Variants in ADAMTS19 observed in about 807,000 individuals in gnomAD.
The protein encoded by ADAMTS19 is ADAM metallopeptidase with thrombospondin type 1 motif 19.
ADAMTS19 carries 93 observed loss-of-function variants against 153.3 expected under a neutral mutation model. That is an observed-to-expected ratio of 0.61 (90% confidence interval 0.51 to 0.72). The LOEUF (loss-of-function observed/expected upper bound fraction) is 0.72. Among genes scored for constraint, ADAMTS19 ranks in the 30% least tolerant of loss-of-function variants. The probability of loss-of-function intolerance (pLI) is 0.00; values close to 1 mark genes in which losing one functional copy is unlikely to be tolerated. For missense variants in ADAMTS19, 1,482 were observed against 1,552.1 expected, an observed-to-expected ratio of 0.95 and a Z score of 0.76; for synonymous variants, 600 against 556.6, an observed-to-expected ratio of 1.08 and a Z score of -1.10.
chr5:129,496,885 A>G (rs768396406), intron 2 of ADAMTS19, among the ~76,000 whole-genome samples: 1 of 152,102 alleles, frequency 6.6e-6, no homozygotes, highest in Non-Finnish European at 1.5e-5. Flanking sequence ...AAAGTTAGTT[A>G]ATAGATTTAA....
rs775800553 is a variant in ADAMTS19 at position 129,617,587 on chromosome 5, TC to T, written c.1479-3029del. On this transcript the variant is annotated intron_variant, in intron 8 of 22. Coordinates refer to ENST00000274487, the MANE Select transcript of ADAMTS19 (RefSeq NM_133638.6). ...CCACAGATGGAAGAGTCAAGCACGT[TC>T]CACATGGCAAGTGTTTGTTAATTAA... is the stretch of plus-strand genomic sequence containing the variant. 9.2e-5 allele frequency among the ~76,000 whole-genome samples: 14 copies of T among 152,020 alleles called. 1 individual carries two copies. In the East Asian group the frequency reaches 1.7e-3, roughly 19 times the overall value.
At position 129,460,300 on chromosome 5, in the gene ADAMTS19, C is replaced by T. The variant is rs911482180; in HGVS notation, c.-92C>T. ...GGGCCTGGGCAAATTCGCCGCCCGG[C>T]CTCCTAGCGCTCCGGGGAGGCCGCT... is the stretch of plus-strand genomic sequence containing the variant. On this transcript the variant is annotated 5_prime_UTR_variant, in exon 1 of 23. Coordinates refer to ENST00000274487, the MANE Select transcript of ADAMTS19 (RefSeq NM_133638.6). 9.1e-6 allele frequency: 9 copies of T among 988,800 alleles called. No individual in the cohort carries two copies. The highest frequency in any genetic ancestry group is 2.1e-5 in the Admixed American group (1 of 46,910). The allele number at this position is 988,800 out of a possible 1,614,324, so 61.3% of individuals were successfully genotyped here. A position where few individuals can be genotyped will look rare whatever the true frequency, so the allele number is the denominator to read the frequency against.
At chr5:129,498,490 A>G (rs990229184) in intron 2 of ADAMTS19, among the ~76,000 whole-genome samples, 2 of 152,014 alleles carry the variant, frequency 1.3e-5, no homozygotes, top group Non-Finnish European at 2.9e-5. Context: ...TATATTACTT[A>G]TTCTTTATTT....
intron 19 of ADAMTS19, among the ~76,000 whole-genome samples, chr5:129,699,351 A>G (rs1401863368): frequency 6.7e-6 from 1 of 149,124 alleles, no homozygotes; most frequent in Non-Finnish European, 1.5e-5. Context: ...TGAACCCAGG[A>G]GGTGGAGGTT....
intron 2 of ADAMTS19, among the ~76,000 whole-genome samples, chr5:129,479,846 G>A (rs1750350729): frequency 6.6e-6 from 1 of 151,942 alleles, no homozygotes; most frequent in Non-Finnish European, 1.5e-5. Context: ...TACATACAAA[G>A]CTCATGAATT....
intron 7 of ADAMTS19, among the ~76,000 whole-genome samples, chr5:129,553,433 C>T (rs975128325): frequency 2.0e-5 from 3 of 152,178 alleles, no homozygotes; most frequent in African/African-American, 7.2e-5. Context: ...ATTTAAAACA[C>T]ATTTGAATAA....
intron 15 of ADAMTS19, among the ~76,000 whole-genome samples, chr5:129,659,797 T>C (rs755672629): frequency 1.4e-4 from 22 of 152,058 alleles, no homozygotes; most frequent in Admixed American, 3.3e-4. Flanking sequence ...CTATGTTCCA[T>C]AGACTGGTCT....
intron 6 of ADAMTS19, among the ~76,000 whole-genome samples, chr5:129,533,727 C>A (rs112671472): frequency 0.035 from 5,240 of 151,482 alleles, 294 homozygotes; most frequent in African/African-American, 0.12. Context: ...CTCTTGTGGG[C>A]ATTTAGTGCT....
chr5:129,719,061 C>T (rs530907327), intron 21 of ADAMTS19, among the ~76,000 whole-genome samples: 1 of 152,104 alleles, frequency 6.6e-6, no homozygotes, highest in East Asian at 1.9e-4. Flanking sequence ...GATTTTTAAC[C>T]CCTAAATGCA....
At chr5:129,696,142 A>G (rs1251877612) in intron 19 of ADAMTS19, among the ~76,000 whole-genome samples, 1 of 152,168 alleles carries the variant, frequency 6.6e-6, no homozygotes, top group East Asian at 1.9e-4. Flanking sequence ...TCAATTACTA[A>G]AGCCCTCTAA....
At chr5:129,495,791 G>C (rs936514940) in intron 2 of ADAMTS19, among the ~76,000 whole-genome samples, 1 of 152,068 alleles carries the variant, frequency 6.6e-6, no homozygotes, top group African/African-American at 2.4e-5. Flanking sequence ...GGACATAATA[G>C]TCTTGACGTG....
At chr5:129,728,703 A>G (rs1047227319) in intron 21 of ADAMTS19, among the ~76,000 whole-genome samples, 2 of 152,192 alleles carry the variant, frequency 1.3e-5, no homozygotes, top group African/African-American at 4.8e-5. Context: ...CCACAGTGGT[A>G]GTAATCTACT....
chr5:129,623,192 A>G (rs1367938691), intron 10 of ADAMTS19, among the ~76,000 whole-genome samples: 2 of 152,228 alleles, frequency 1.3e-5, no homozygotes, highest in African/African-American at 4.8e-5. Context: ...AGCAGTGTTT[A>G]TGTATTAATA....
intron 6 of ADAMTS19, among the ~76,000 whole-genome samples, chr5:129,530,986 A>G (rs1752180466): frequency 1.3e-5 from 2 of 152,114 alleles, no homozygotes; most frequent in Admixed American, 6.5e-5. Flanking sequence ...GTTTTCAAAA[A>G]CCAATTATGT....
At chr5:129,605,618 T>A (rs1399808072) in intron 8 of ADAMTS19, among the ~76,000 whole-genome samples, 2 of 152,194 alleles carry the variant, frequency 1.3e-5, no homozygotes, top group Non-Finnish European at 2.9e-5. Flanking sequence ...TGTAACTCTC[T>A]ACCCTATGTC....
chr5:129,595,811 C>T (rs1244923085), intron 7 of ADAMTS19, among the ~76,000 whole-genome samples: 1 of 151,950 alleles, frequency 6.6e-6, no homozygotes, highest in African/African-American at 2.4e-5. Context: ...GGTAACAATT[C>T]ATTTTCTGAA....
chr5:129,701,701 C>T (rs972626041), intron 20 of ADAMTS19, 109 bp downstream of exon 20: 1 of 1,181,546 alleles, frequency 8.5e-7, no homozygotes, highest in South Asian at 1.8e-5. Context: ...TTTTTCTATA[C>T]TATTTATTAA....
intron 3 of ADAMTS19, among the ~76,000 whole-genome samples, chr5:129,517,195 G>A (rs1403152586): frequency 6.6e-6 from 1 of 151,878 alleles, no homozygotes; most frequent in African/African-American, 2.4e-5. Flanking sequence ...CTTGTTTTAT[G>A]ATGTAGCATA....
chr5:129,688,809 G>A (rs952903623), intron 18 of ADAMTS19, among the ~76,000 whole-genome samples: 2 of 152,138 alleles, frequency 1.3e-5, no homozygotes, highest in Admixed American at 6.5e-5. Flanking sequence ...CAAACAGCTT[G>A]AAATGTTTTT....
Sources: allele counts gnomAD v4.1 joint callset (sites outside exome capture counted in the v4.1 genomes callset), GRCh38; gene constraint gnomAD v4.1.1; transcripts MANE v1.5; gene names NCBI Gene and HGNC (gene_info 2026-07-23, HGNC 2026-07-21).